UEVLD: variants seen among roughly 807,000 people sequenced by gnomAD.
UEVLD encodes the protein ubiquitin-conjugating enzyme E2 variant 3.
In UEVLD, 47 loss-of-function variants were observed where a neutral mutation model predicts 58.6. The ratio of observed to expected loss-of-function variants is 0.80; its 90% CI spans 0.63 to 1.02. The LOEUF (loss-of-function observed/expected upper bound fraction) is 1.02. UEVLD is among the 50% of genes least tolerant of loss of function. UEVLD has a pLI of 0.00. For synonymous variants in UEVLD, 197 were observed against 195.3 expected (o/e 1.01, Z -0.07); for missense variants, 510 against 550.6 (o/e 0.93, Z 0.74).
intron 9 of UEVLD, among the ~76,000 whole-genome samples, chr11:18,543,962 G>C (rs530529463): frequency 2.0e-5 from 3 of 152,212 alleles, no homozygotes; most frequent in African/African-American, 7.2e-5. Context: ...ACTTGGGAAA[G>C]GTAAGCAAGG....
chr11:18,537,220 G>GA (rs1372163668), intron 9 of UEVLD, among the ~76,000 whole-genome samples: 1 of 150,266 alleles, frequency 6.7e-6, no homozygotes, highest in Non-Finnish European at 1.5e-5. Context: ...TTTTCTAAAA[G>GA]AATCTTCTGG....
rs1850582330 is a variant in UEVLD, at chr11:18,532,136, T to C, written c.*184A>G. On this transcript the variant is annotated 3_prime_UTR_variant, in exon 12 of 12. Coordinates refer to ENST00000396197, the MANE Select transcript of UEVLD (RefSeq NM_001040697.4). ...AAGAACCCCAAATAAAATTAATTTT[T>C]CCCCTCCTTGTATAACTCCTTAAGG... 2.2e-6 allele frequency: 1 copy of C among 455,384 alleles called. No individual in the cohort carries two copies. Among genetic ancestry groups the C allele is most frequent in the Non-Finnish European group, 3.7e-6 (1 of 270,672 alleles). The allele number at this position is 455,384 out of a possible 1,614,324, so 28.2% of individuals were successfully genotyped here.
intron 2 of UEVLD, among the ~76,000 whole-genome samples, chr11:18,576,041 C>G (rs1468856576): frequency 6.6e-6 from 1 of 152,186 alleles, no homozygotes; most frequent in Non-Finnish European, 1.5e-5. Flanking sequence ...ACTGAGACAG[C>G]AAACAAGATC....
intron 1 of UEVLD, chr11:18,579,312 T>C (rs1191782780): frequency 3.2e-6 from 1 of 315,128 alleles, no homozygotes; most frequent in African/African-American, 2.3e-5. Context: ...GAGAAGAAAA[T>C]GAAAGCTAGA....
At chr11:18,585,959 T>C (rs1377725863) in intron 1 of UEVLD, among the ~76,000 whole-genome samples, 1 of 152,194 alleles carries the variant, frequency 6.6e-6, no homozygotes, top group Non-Finnish European at 1.5e-5. Context: ...TTTTCCATAA[T>C]AATGTCAAGG....
chr11:18,534,749 G>A (rs991570755), intron 10 of UEVLD, among the ~76,000 whole-genome samples: 7 of 152,124 alleles, frequency 4.6e-5, no homozygotes, highest in Non-Finnish European at 1.0e-4. Context: ...TCGATAATTG[G>A]CAAAAATTAA....
In UEVLD at chr11:18,554,111, C is replaced by T. The variant is rs141191155; in HGVS notation, c.715+4117G>A. On this transcript the variant is annotated intron_variant, in intron 7 of 11. Coordinates refer to ENST00000396197, the MANE Select transcript of UEVLD (RefSeq NM_001040697.4). Reference sequence around the variant, plus strand: ...CTTAATAGTTTCTTTTTTTTTGAGACGGAGTTTCGCTCTTGTTGCCCCCAG... The same window carrying T: ...CTTAATAGTTTCTTTTTTTTTGAGATGGAGTTTCGCTCTTGTTGCCCCCAG... Among the ~76,000 whole-genome samples the T allele has an allele frequency of 2.7e-3, 405 of 152,066 alleles. 3 individuals are homozygous for T. The highest frequency in any genetic ancestry group is 9.5e-3 in the African/African-American group (394 of 41,516).
intron 1 of UEVLD, among the ~76,000 whole-genome samples, chr11:18,580,912 C>G (rs1447629466): frequency 6.6e-6 from 1 of 152,198 alleles, no homozygotes; most frequent in South Asian, 2.1e-4. Context: ...CCTGTAATCC[C>G]AGCACTTTGG....
chr11:18,588,693 C>G lies in UEVLD; in HGVS notation c.-39G>C. On this transcript the variant is annotated 5_prime_UTR_variant, in exon 1 of 12. Coordinates refer to ENST00000396197, the MANE Select transcript of UEVLD (RefSeq NM_001040697.4). ...CCGAGCTAGGTCCCAGGACTCCAGC[C>G]CCCGGACCTTCTTCCGGACTTGCTG... The G allele has an allele frequency of 6.2e-7, 1 of 1,600,106 alleles. No homozygotes were observed. The highest frequency in any genetic ancestry group is 1.1e-5 in the South Asian group (1 of 90,370).
chr11:18,550,464 C>G (rs948801628), intron 7 of UEVLD, among the ~76,000 whole-genome samples: 1 of 152,180 alleles, frequency 6.6e-6, no homozygotes. Context: ...ATATTACAAG[C>G]TCTGGGGGAA....
intron 2 of UEVLD, among the ~76,000 whole-genome samples, chr11:18,577,883 A>G (rs1179189483): frequency 2.0e-5 from 3 of 151,632 alleles, no homozygotes; most frequent in African/African-American, 7.3e-5. Context: ...AAAAAAAAAA[A>G]AAAAAAAGAA....
chr11:18,578,874 C>CTTTT, intron 1 of UEVLD, 66 bp from the exon 2 acceptor site: 1 of 1,011,672 alleles, frequency 9.9e-7, no homozygotes, highest in Non-Finnish European at 1.4e-6. Flanking sequence ...TTGCAGTTAA[C>CTTTT]TTTTTTTTTT....
chr11:18,579,070 T>G (rs1289702706), intron 1 of UEVLD, among the ~76,000 whole-genome samples: 1 of 151,880 alleles, frequency 6.6e-6, no homozygotes, highest in Non-Finnish European at 1.5e-5. Context: ...GGTTTTGCCA[T>G]GTTGGTCAGG....
intron 8 of UEVLD, among the ~76,000 whole-genome samples, chr11:18,545,797 G>A (rs796809642): frequency 1.3e-5 from 2 of 152,080 alleles, no homozygotes; most frequent in African/African-American, 4.8e-5. Context: ...ATAATTCCTA[G>A]AACAGTTAAG....
rs1426734820 is a variant in UEVLD, at chr11:18,537,365, G to A, written c.1061-896C>T. On this transcript the variant is annotated intron_variant, in intron 9 of 11. Coordinates refer to ENST00000396197, the MANE Select transcript of UEVLD (RefSeq NM_001040697.4). ...CTTTTTCTTTTTGAGACGGACTCTCGCTGTTACCTAGCCTGGTGTGCAATG... is the reference window on the plus strand; with the variant it reads ...CTTTTTCTTTTTGAGACGGACTCTCACTGTTACCTAGCCTGGTGTGCAATG... 4.4e-5 allele frequency among the ~76,000 whole-genome samples: 6 copies of A among 135,848 alleles called. 1 individual carries two copies. The highest frequency in any genetic ancestry group is 4.6e-4 in the South Asian group (2 of 4,336). 89.1% of individuals were successfully genotyped at this position (135,848 alleles called of 152,430 possible).
intron 3 of UEVLD, chr11:18,570,582 C>CA: frequency 3.2e-6 from 1 of 316,978 alleles, no homozygotes. Flanking sequence ...CCCATCTCTA[C>CA]AAAAAATTTT....
intron 9 of UEVLD, chr11:18,539,122 C>T (rs916463678): frequency 1.5e-5 from 2 of 132,342 alleles, no homozygotes; most frequent in African/African-American, 5.7e-5. Flanking sequence ...GTTGCCCAGG[C>T]TGGAGTGCAG....
At position 18,544,746 on chromosome 11, in the gene UEVLD, G is replaced by A. The variant is rs759578627; in HGVS notation, c.937C>T (p.Arg313Ter). Residue 313 changes from arginine to a stop codon, truncating the protein, a stop_gained, in exon 9 of 12, where the codon CGA becomes TGA. Coordinates refer to ENST00000396197, the MANE Select transcript of UEVLD (RefSeq NM_001040697.4). LOFTEE classifies it high-confidence loss of function. The stretch of plus-strand genomic sequence containing the variant: ...AGATTACATCCAATTCCGATCACTC[G>A]ATTTGCAGGAAATGTACTCAGTTTC... ...TWKLSTFPAN[R>*]VIGIGCNLDS... The A allele has an allele frequency of 1.7e-5, 26 of 1,568,394 alleles. No individual in the cohort carries two copies. The highest frequency in any genetic ancestry group is 2.5e-5 in the East Asian group (1 of 40,398).
At chr11:18,565,072 T>A in intron 5 of UEVLD, 62 bp from the exon 6 acceptor site, 5 of 1,233,548 alleles carry the variant, frequency 4.1e-6, no homozygotes, top group Admixed American at 2.0e-5. Flanking sequence ...TTAGGATCTT[T>A]AAAAAAAATA....
Sources: gnomAD v4.1 joint callset for allele counts (sites outside exome capture counted in the v4.1 genomes callset) on GRCh38, gnomAD v4.1.1 for gene constraint, MANE v1.5 for transcripts, NCBI Gene and HGNC (gene_info 2026-07-23, HGNC 2026-07-21) for gene names.